The following DENND1B variants were observed in gnomAD, a reference collection of about 807,000 sequenced individuals.
DENND1B encodes the protein DENN domain containing 1B, also known as DENN domain-containing protein 1B.
In DENND1B, 59 loss-of-function variants were observed where a neutral mutation model predicts 90.1. The observed-to-expected ratio is 0.65, with a 90% CI of 0.53 to 0.81. The LOEUF (loss-of-function observed/expected upper bound fraction) is 0.81. Among genes scored for constraint, DENND1B ranks in the 40% least tolerant of loss-of-function variants. DENND1B has a pLI of 0.00. For missense variants in DENND1B, 862 were observed against 912.6 expected, an observed-to-expected ratio of 0.94 and a Z score of 0.71; for synonymous variants, 337 against 324.6, an observed-to-expected ratio of 1.04 and a Z score of -0.41.
intron 10 of DENND1B, among the ~76,000 whole-genome samples, chr1:197,626,439 T>C (rs4316387): frequency 0.78 from 117,871 of 151,930 alleles, 45,907 homozygotes; most frequent in Admixed American, 0.8. Context: ...ACATAAATAA[T>C]GAAATGAAGG....
chr1:197,667,650 C>T (rs1404693042), intron 5 of DENND1B, among the ~76,000 whole-genome samples: 2 of 152,036 alleles, frequency 1.3e-5, no homozygotes, highest in East Asian at 1.9e-4. Context: ...CCGCCCGCCT[C>T]GGCCTCCCAA....
In DENND1B at chr1:197,511,769, C is replaced by T; in HGVS notation, c.1774G>A (p.Asp592Asn). The T allele has an allele frequency of 1.2e-6, 2 of 1,610,536 alleles. No individual in the cohort carries two copies. Among genetic ancestry groups the T allele is most frequent in the Non-Finnish European group, 1.7e-6 (2 of 1,177,882 alleles). ...ATGTCATCCATTGATCTAAAGAAATCCAAGCTCTTTGCAGCTGCCAGCTTC... is the reference window on the plus strand; with the variant it reads ...ATGTCATCCATTGATCTAAAGAAATTCAAGCTCTTTGCAGCTGCCAGCTTC... ...QGKLAAAKSL[D>N]FFRSMDDIDY... Residue 592 changes from aspartate (D) to asparagine (N), a missense_variant, in exon 22 of 23, where the codon GAT becomes AAT. Asp to Asn is a conservative substitution (Grantham distance 23). Transcript: ENST00000620048.
intron 6 of DENND1B, among the ~76,000 whole-genome samples, chr1:197,653,934 T>A (rs929867593): frequency 6.6e-6 from 1 of 152,134 alleles, no homozygotes; most frequent in African/African-American, 2.4e-5. Context: ...TGACTTTTCA[T>A]TGCAAAAAAA....
In DENND1B at chr1:197,775,358, C is replaced by T. The variant is rs1257136395; in HGVS notation, c.-203G>A. 1 of 349,868 alleles carries T rather than the reference C, an allele frequency of 2.9e-6. No individual in the cohort carries two copies. Among genetic ancestry groups the T allele is most frequent in the African/African-American group, 2.2e-5 (1 of 46,326 alleles). The allele number at this position is 349,868 out of a possible 1,614,324, so 21.7% of individuals were successfully genotyped here. A position where few individuals can be genotyped will look rare whatever the true frequency, so the allele number is the denominator to read the frequency against. ...CGCCTCCCACCCCACCCACCAGAGC[C>T]TTTCTGTGACAGCAGCGGTGGCGTG... On this transcript the variant is annotated 5_prime_UTR_variant, in exon 1 of 23. Transcript: ENST00000620048.
At chr1:197,762,415 C>T (rs980106865) in intron 2 of DENND1B, among the ~76,000 whole-genome samples, 2 of 151,998 alleles carry the variant, frequency 1.3e-5, no homozygotes, top group Admixed American at 6.6e-5. Context: ...TACAGGTGCC[C>T]GCCACCAAGC....
At chr1:197,604,444 TAAG>T (rs1381131649) in intron 13 of DENND1B, among the ~76,000 whole-genome samples, 1 of 151,174 alleles carries the variant, frequency 6.6e-6, no homozygotes. Flanking sequence ...ATGAAGCCAT[TAAG>T]AAGATTACAG....
At chr1:197,548,408 C>T (rs578207668) in intron 16 of DENND1B, among the ~76,000 whole-genome samples, 2 of 152,208 alleles carry the variant, frequency 1.3e-5, no homozygotes, top group South Asian at 4.1e-4. Context: ...GCATCAGCTT[C>T]TTCATTCATC....
intron 3 of DENND1B, among the ~76,000 whole-genome samples, chr1:197,696,766 G>A (rs1000099988): frequency 2.0e-5 from 3 of 151,092 alleles, no homozygotes; most frequent in Admixed American, 6.6e-5. Context: ...TCAACTAGCC[G>A]TTCAAAAACA....
chr1:197,617,642 G>A lies in DENND1B; in HGVS notation c.773+17C>T, dbSNP rs1394135363. The stretch of plus-strand genomic sequence containing the variant: ...ATGAAACCTAAACTTAAAGGAGTCT[G>A]GCAAAAGCCAGCTTACCAGCAGTAG... On this transcript the variant is annotated intron_variant, in intron 11 of 22. Coordinates refer to ENST00000620048, the MANE Select transcript of DENND1B (RefSeq NM_001195215.2). 6.3e-7 allele frequency: 1 copy of A among 1,589,310 alleles called. No individual in the cohort carries two copies. The highest frequency in any genetic ancestry group is 1.7e-5 in the Admixed American group (1 of 59,508).
intron 2 of DENND1B, among the ~76,000 whole-genome samples, chr1:197,751,870 A>AAGG (rs925223696): frequency 5.6e-5 from 8 of 141,832 alleles, no homozygotes; most frequent in Admixed American, 3.5e-4. Context: ...GCAGGGGAAG[A>AAGG]AGGAGGAGGA....
chr1:197,732,884 G>A (rs1662276994), intron 2 of DENND1B, among the ~76,000 whole-genome samples: 1 of 152,136 alleles, frequency 6.6e-6, no homozygotes, highest in Admixed American at 6.5e-5. Flanking sequence ...ACACTAAGAT[G>A]CAACCATCTC....
intron 3 of DENND1B, among the ~76,000 whole-genome samples, chr1:197,705,807 C>T (rs543890903): frequency 9.9e-5 from 15 of 151,946 alleles, no homozygotes; most frequent in Middle Eastern, 3.4e-3. Context: ...TGAGAACAAA[C>T]GCAAACTTCT....
chr1:197,600,527 A>G (rs6428411), intron 13 of DENND1B, among the ~76,000 whole-genome samples: 120,481 of 151,606 alleles, frequency 0.79, 48,018 homozygotes, highest in East Asian at 0.87. Flanking sequence ...GTTGGATGCT[A>G]TGTATTGAGG....
intron 7 of DENND1B, among the ~76,000 whole-genome samples, chr1:197,648,663 C>A (rs1680944348): frequency 6.6e-6 from 1 of 152,134 alleles, no homozygotes; most frequent in Admixed American, 6.5e-5. Context: ...TTCTCCTTGA[C>A]CTTTCCCTTG....
chr1:197,617,838 T>G, intron 10 of DENND1B, 79 bp from the exon 11 acceptor site: 1 of 910,746 alleles, frequency 1.1e-6, no homozygotes, highest in Non-Finnish European at 1.8e-6. Context: ...GTATCAACAA[T>G]GAACAGTAAT....
intron 10 of DENND1B, among the ~76,000 whole-genome samples, chr1:197,628,391 T>G (rs1478170412): frequency 6.6e-6 from 1 of 152,138 alleles, no homozygotes; most frequent in East Asian, 1.9e-4. Flanking sequence ...AACTATCTGA[T>G]CTTTGACAAA....
At chr1:197,548,580 T>C (rs1670986007) in intron 16 of DENND1B, among the ~76,000 whole-genome samples, 1 of 152,180 alleles carries the variant, frequency 6.6e-6, no homozygotes, top group Admixed American at 6.6e-5. Context: ...TCTATGATGA[T>C]GTATTATTCA....
intron 3 of DENND1B, chr1:197,690,634 G>T: frequency 4.3e-6 from 1 of 233,262 alleles, no homozygotes; most frequent in South Asian, 7.4e-5. Flanking sequence ...GAGGCTAAAT[G>T]AATATTATCC....
chr1:197,706,018 T>C (rs995870395), intron 3 of DENND1B, among the ~76,000 whole-genome samples: 1 of 151,930 alleles, frequency 6.6e-6, no homozygotes, highest in African/African-American at 2.4e-5. Flanking sequence ...CAGATTGACT[T>C]TCACATCTAA....
Sources: gnomAD v4.1 joint callset for allele counts (sites outside exome capture counted in the v4.1 genomes callset) on GRCh38, gnomAD v4.1.1 for gene constraint, MANE v1.5 for transcripts, NCBI Gene and HGNC (gene_info 2026-07-23, HGNC 2026-07-21) for gene names.